KHDRBS2: variants seen among roughly 807,000 people sequenced by gnomAD.
KHDRBS2 encodes KH domain-containing, RNA-binding, signal transduction-associated protein 2.
In KHDRBS2, 26 loss-of-function variants were observed where a neutral mutation model predicts 44.3. The ratio of observed to expected loss-of-function variants is 0.59; its 90% confidence interval spans 0.43 to 0.81. The LOEUF is 0.81. Ranked by LOEUF, KHDRBS2 falls within the 40% of genes least tolerant of loss-of-function variation. The pLI, the probability that KHDRBS2 is intolerant of heterozygous loss-of-function variation, is 0.00. For synonymous variants in KHDRBS2, 194 were observed against 151.1 expected (o/e 1.28, Z -2.08); for missense variants, 476 against 433.1 (o/e 1.10, Z -0.88).
chr6:61,957,053 T>A (rs1341842040), intron 4 of KHDRBS2, among the ~76,000 whole-genome samples: 1 of 152,156 alleles, frequency 6.6e-6, no homozygotes, highest in Non-Finnish European at 1.5e-5. Context: ...ATTAATACTT[T>A]TATAATTTCT....
chr6:61,730,566 A>G (rs1294826256), intron 7 of KHDRBS2, among the ~76,000 whole-genome samples: 1 of 152,150 alleles, frequency 6.6e-6, no homozygotes, highest in Non-Finnish European at 1.5e-5. Context: ...GCTATAGAAA[A>G]GTAAATATAT....
intron 8 of KHDRBS2, among the ~76,000 whole-genome samples, chr6:61,691,645 C>A (rs1767397449): frequency 6.6e-6 from 1 of 151,944 alleles, no homozygotes; most frequent in Admixed American, 6.6e-5. Context: ...ATTTGTAAGT[C>A]AATTTTCCCA....
chr6:61,545,636 G>T, the KHDRBS2 span, among the ~76,000 whole-genome samples: 97 of 151,960 alleles, frequency 6.4e-4, 1 homozygote, highest in African/African-American at 2.2e-3. Context: ...GAAAAGCAAG[G>T]TATGTGATAA....
At chr6:62,084,280 C>A (rs1797993155) in intron 2 of KHDRBS2, among the ~76,000 whole-genome samples, 1 of 152,096 alleles carries the variant, frequency 6.6e-6, no homozygotes, top group Non-Finnish European at 1.5e-5. Context: ...CAGGCTTTTA[C>A]CTTCTGAAAA....
intron 6 of KHDRBS2, among the ~76,000 whole-genome samples, chr6:61,750,749 A>G (rs1158958723): frequency 6.8e-6 from 1 of 147,376 alleles, no homozygotes; most frequent in African/African-American, 2.6e-5. Context: ...ATTTATGACC[A>G]GAGAAAAAAG....
chr6:62,203,754 G>C (rs1200509687), intron 1 of KHDRBS2, among the ~76,000 whole-genome samples: 1 of 152,122 alleles, frequency 6.6e-6, no homozygotes, highest in Non-Finnish European at 1.5e-5. Context: ...TATTAACTGA[G>C]AAACAGCTAT....
At chr6:61,916,613 A>AT (rs1360202179) in intron 4 of KHDRBS2, among the ~76,000 whole-genome samples, 1 of 151,962 alleles carries the variant, frequency 6.6e-6, no homozygotes, top group African/African-American at 2.4e-5. Flanking sequence ...GACTTGGAAA[A>AT]ATATATCTGC....
chr6:61,549,756 T>C, the KHDRBS2 span, among the ~76,000 whole-genome samples: 1 of 152,184 alleles, frequency 6.6e-6, no homozygotes, highest in Non-Finnish European at 1.5e-5. Flanking sequence ...TATGAATATA[T>C]TTTCTGATTC....
chr6:62,071,911 A>G (rs1795207615), intron 2 of KHDRBS2, among the ~76,000 whole-genome samples: 1 of 152,090 alleles, frequency 6.6e-6, no homozygotes, highest in South Asian at 2.1e-4. Context: ...GATGGCATTG[A>G]ATCTATAAAT....
the KHDRBS2 span, among the ~76,000 whole-genome samples, chr6:61,576,272 T>C: frequency 6.6e-6 from 1 of 152,290 alleles, no homozygotes; most frequent in Admixed American, 6.5e-5. Context: ...ATCAGTGTTT[T>C]GTAGTGTTCC....
intron 2 of KHDRBS2, among the ~76,000 whole-genome samples, chr6:62,120,644 G>A (rs77520561): frequency 0.01 from 1,574 of 152,202 alleles, 32 homozygotes; most frequent in African/African-American, 0.035. Flanking sequence ...TCCTAGAAGC[G>A]AAAATGATAG....
chr6:61,806,480 G>A (rs1787183050), intron 6 of KHDRBS2, among the ~76,000 whole-genome samples: 1 of 152,128 alleles, frequency 6.6e-6, no homozygotes, highest in Non-Finnish European at 1.5e-5. Context: ...TGAAGGATTT[G>A]AATCAAAATT....
At chr6:61,831,132 T>A (rs1163357939) in intron 6 of KHDRBS2, among the ~76,000 whole-genome samples, 1 of 152,278 alleles carries the variant, frequency 6.6e-6, no homozygotes, top group Admixed American at 6.5e-5. Context: ...AGTTGGTAAA[T>A]CTTTGTGATT....
chr6:62,020,302 A>T (rs1237536828), intron 3 of KHDRBS2, among the ~76,000 whole-genome samples: 1 of 152,056 alleles, frequency 6.6e-6, no homozygotes, highest in Admixed American at 6.6e-5. Flanking sequence ...TTATGTGGTC[A>T]GACAATATCC....
At chr6:62,025,754 G>C (rs573534849) in intron 3 of KHDRBS2, among the ~76,000 whole-genome samples, 1 of 151,592 alleles carries the variant, frequency 6.6e-6, no homozygotes, top group Admixed American at 6.6e-5. Flanking sequence ...TTATTTTCTC[G>C]CATATCTTTT....
At chr6:62,057,685 G>C (rs1790611169) in intron 2 of KHDRBS2, among the ~76,000 whole-genome samples, 1 of 151,846 alleles carries the variant, frequency 6.6e-6, no homozygotes, top group Admixed American at 6.6e-5. Flanking sequence ...GATTCTTAAG[G>C]CTTAGCAGAG....
intron 4 of KHDRBS2, among the ~76,000 whole-genome samples, chr6:61,929,448 G>GTCA (rs1809603062): frequency 6.6e-6 from 1 of 152,072 alleles, no homozygotes; most frequent in African/African-American, 2.4e-5. Flanking sequence ...TCATCACTTA[G>GTCA]TCATCGTAAT....
chr6:61,641,858 A>G, the KHDRBS2 span, among the ~76,000 whole-genome samples: 1 of 152,238 alleles, frequency 6.6e-6, no homozygotes, highest in Non-Finnish European at 1.5e-5. Flanking sequence ...ACATCATGAT[A>G]TTTAAATTCT....
intron 1 of KHDRBS2, among the ~76,000 whole-genome samples, chr6:62,255,336 CT>C (rs1211380184): frequency 6.6e-6 from 1 of 151,896 alleles, no homozygotes; most frequent in African/African-American, 2.4e-5. Context: ...AAAATAACAA[CT>C]TTTGTTATTT....
Sources: gnomAD v4.1 joint callset for allele counts (sites outside exome capture counted in the v4.1 genomes callset) on GRCh38, gnomAD v4.1.1 for gene constraint, MANE v1.5 for transcripts, NCBI Gene and HGNC (gene_info 2026-07-23, HGNC 2026-07-21) for gene names.